Variants in GPR158 observed in about 807,000 individuals in gnomAD.
The protein encoded by GPR158 is metabotropic glycine receptor.
GPR158 carries 30 observed loss-of-function variants against 78.2 expected under a neutral mutation model. The ratio of observed to expected loss-of-function variants is 0.38; its 90% CI spans 0.29 to 0.52. GPR158 has a LOEUF of 0.52. Ranked by LOEUF, GPR158 falls within the 20% of genes least tolerant of loss-of-function variation. The pLI, the probability that GPR158 is intolerant of heterozygous loss-of-function variation, is 0.83. For missense variants in GPR158, 1,463 were observed against 1,523.5 expected (o/e 0.96, Z 0.66); for synonymous variants, 581 against 591.1 (o/e 0.98, Z 0.25).
chr10:25,465,740 T>C (rs1048395783), intron 4 of GPR158, among the ~76,000 whole-genome samples: 1 of 152,210 alleles, frequency 6.6e-6, no homozygotes, highest in Admixed American at 6.5e-5. Flanking sequence ...TGTGCTTTTT[T>C]TACCCACCAA....
chr10:25,350,432 A>G (rs543197671), intron 2 of GPR158, among the ~76,000 whole-genome samples: 1 of 152,098 alleles, frequency 6.6e-6, no homozygotes, highest in South Asian at 2.1e-4. Flanking sequence ...ATTCTTCTGA[A>G]TTGCTATCTT....
At chr10:25,509,398 G>T (rs543757889) in intron 5 of GPR158, among the ~76,000 whole-genome samples, 3 of 152,248 alleles carry the variant, frequency 2.0e-5, no homozygotes, top group Non-Finnish European at 4.4e-5. Flanking sequence ...TATGCCCGTG[G>T]AATCTGTGGG....
At chr10:25,261,465 T>A (rs1853966818) in intron 2 of GPR158, among the ~76,000 whole-genome samples, 1 of 152,128 alleles carries the variant, frequency 6.6e-6, no homozygotes, top group Admixed American at 6.6e-5. Context: ...CATTCTCTTT[T>A]TTTATGTCTT....
Position 25,401,455 on chromosome 10 carries a change from G to A in GPR158, c.1111+5442G>A, listed in dbSNP as rs146085604. ...ATTTGTAGGGACTAATGAAAAATGC[G>A]AATTGAACATATTTCCAGATCTCAG... On this transcript the variant is annotated intron_variant, in intron 3 of 10. Coordinates refer to ENST00000376351, the MANE Select transcript of GPR158 (RefSeq NM_020752.3). 5.4e-3 allele frequency among the ~76,000 whole-genome samples: 820 copies of A among 152,002 alleles called. 10 individuals are homozygous for A. The highest frequency in any genetic ancestry group is 0.019 in the African/African-American group (785 of 41,472).
intron 6 of GPR158, among the ~76,000 whole-genome samples, chr10:25,562,507 C>G (rs1836872710): frequency 6.6e-6 from 1 of 152,134 alleles, no homozygotes; most frequent in Non-Finnish European, 1.5e-5. Context: ...AGCTTATCTT[C>G]TGTTTTCTCT....
At chr10:25,326,412 A>G (rs1855034442) in intron 2 of GPR158, among the ~76,000 whole-genome samples, 1 of 151,686 alleles carries the variant, frequency 6.6e-6, no homozygotes, top group South Asian at 2.1e-4. Flanking sequence ...AGTTTTTTTG[A>G]GTTTTTAAAT....
intron 2 of GPR158, among the ~76,000 whole-genome samples, chr10:25,388,813 G>A (rs1441348312): frequency 2.6e-5 from 4 of 152,200 alleles, no homozygotes; most frequent in Non-Finnish European, 5.9e-5. Context: ...CCCCTCCCTT[G>A]CCCACACAGG....
intron 7 of GPR158, among the ~76,000 whole-genome samples, chr10:25,584,525 G>A (rs899152856): frequency 2.0e-5 from 3 of 152,190 alleles, no homozygotes; most frequent in Non-Finnish European, 4.4e-5. Flanking sequence ...TAATTAACCT[G>A]ATAACTACTT....
At chr10:25,382,729 G>A (rs1834172129) in intron 2 of GPR158, among the ~76,000 whole-genome samples, 1 of 152,190 alleles carries the variant, frequency 6.6e-6, no homozygotes, top group African/African-American at 2.4e-5. Flanking sequence ...TTGTGGGAAA[G>A]AGGCTACTGA....
chr10:25,526,105 A>T (rs1056270113), intron 5 of GPR158, among the ~76,000 whole-genome samples: 9 of 27,334 alleles, frequency 3.3e-4, no homozygotes, highest in African/African-American at 2.8e-3. Flanking sequence ...ATTTTGTCTA[A>T]AAAAAAAAAA....
At chr10:25,405,606 G>A (rs1473048917) in intron 3 of GPR158, among the ~76,000 whole-genome samples, 1 of 146,398 alleles carries the variant, frequency 6.8e-6, no homozygotes, top group African/African-American at 2.6e-5. Flanking sequence ...GCCCTGCTTG[G>A]GTAGTTTGAT....
chr10:25,579,202 A>G (rs373478234), intron 7 of GPR158, among the ~76,000 whole-genome samples: 4 of 151,110 alleles, frequency 2.6e-5, no homozygotes, highest in African/African-American at 9.7e-5. Context: ...ATTGGCAGTC[A>G]ATTGTCCATG....
chr10:25,442,827 T>G (rs1254097424), intron 4 of GPR158, among the ~76,000 whole-genome samples: 2 of 152,122 alleles, frequency 1.3e-5, no homozygotes, highest in Non-Finnish European at 2.9e-5. Flanking sequence ...ATACTGTCAT[T>G]TCTTCCACTG....
chr10:25,259,035 C>T (rs1361952049), intron 2 of GPR158, among the ~76,000 whole-genome samples: 2 of 151,982 alleles, frequency 1.3e-5, no homozygotes, highest in Non-Finnish European at 2.9e-5. Context: ...TTTGATGATC[C>T]ATTACCTTTA....
intron 2 of GPR158, among the ~76,000 whole-genome samples, chr10:25,288,554 G>A (rs1453408388): frequency 6.6e-6 from 1 of 152,148 alleles, no homozygotes; most frequent in African/African-American, 2.4e-5. Context: ...TTGGGCTAAG[G>A]TTTATTTATT....
chr10:25,308,505 A>AT (rs954966739), intron 2 of GPR158, among the ~76,000 whole-genome samples: 6 of 151,714 alleles, frequency 4.0e-5, no homozygotes, highest in East Asian at 1.9e-4. Context: ...TTAGTACCAG[A>AT]TTTTTTTTCA....
At chr10:25,220,850 C>T (rs1160784741) in intron 1 of GPR158, among the ~76,000 whole-genome samples, 2 of 152,076 alleles carry the variant, frequency 1.3e-5, no homozygotes, top group African/African-American at 2.4e-5. Flanking sequence ...CAGCTCCCTG[C>T]CTTTGGACTT....
intron 1 of GPR158, among the ~76,000 whole-genome samples, chr10:25,216,976 G>A (rs923909356): frequency 6.6e-6 from 1 of 152,158 alleles, no homozygotes; most frequent in Non-Finnish European, 1.5e-5. Context: ...ATTTAGGAAA[G>A]TGAGTAATAT....
intron 5 of GPR158, among the ~76,000 whole-genome samples, chr10:25,491,223 C>T (rs1017631383): frequency 2.6e-5 from 4 of 152,226 alleles, no homozygotes; most frequent in Admixed American, 6.5e-5. Context: ...TACTCTGTTT[C>T]TTTACATTTC....
Sources: allele counts gnomAD v4.1 joint callset (sites outside exome capture counted in the v4.1 genomes callset), GRCh38; gene constraint gnomAD v4.1.1; transcripts MANE v1.5; gene names NCBI Gene and HGNC (gene_info 2026-07-23, HGNC 2026-07-21).